The following VPS13B variants were observed in gnomAD, a reference collection of about 807,000 sequenced individuals.
The protein encoded by VPS13B is intermembrane lipid transfer protein VPS13B.
VPS13B carries 285 observed loss-of-function variants against 426.4 expected under a neutral mutation model. That is an observed-to-expected ratio of 0.67 (90% confidence interval 0.61 to 0.74). The LOEUF is 0.74. Among genes scored for constraint, VPS13B ranks in the 30% least tolerant of loss-of-function variants. The probability of loss-of-function intolerance (pLI) is 0.00; values close to 1 mark genes in which losing one functional copy is unlikely to be tolerated. For synonymous variants in VPS13B, 1,676 were observed against 1,676.4 expected (o/e 1.00, Z 0.01); for missense variants, 4,537 against 4,782.6 (o/e 0.95, Z 1.51).
chr8:99,284,940 C>T (rs1474689246), intron 19 of VPS13B, among the ~76,000 whole-genome samples: 1 of 152,146 alleles, frequency 6.6e-6, no homozygotes, highest in Non-Finnish European at 1.5e-5. Context: ...ATACTGTATC[C>T]TCAAGTACAT....
At chr8:99,314,823 A>G (rs1821221445) in intron 19 of VPS13B, among the ~76,000 whole-genome samples, 1 of 152,226 alleles carries the variant, frequency 6.6e-6, no homozygotes, top group South Asian at 2.1e-4. Context: ...ATATATGTTT[A>G]GAATTGTTAA....
chr8:99,279,702 A>G (rs1013208263), intron 19 of VPS13B, among the ~76,000 whole-genome samples: 2 of 152,138 alleles, frequency 1.3e-5, no homozygotes, highest in African/African-American at 2.4e-5. Context: ...AGTGTCTGCT[A>G]TTTAGGAATA....
intron 19 of VPS13B, among the ~76,000 whole-genome samples, chr8:99,290,778 G>A (rs993304158): frequency 1.3e-5 from 2 of 152,018 alleles, no homozygotes; most frequent in Middle Eastern, 3.4e-3. Context: ...CCTGGAATAA[G>A]TCATGTCTAA....
chr8:99,273,065 A>G (rs894190211), intron 17 of VPS13B, among the ~76,000 whole-genome samples: 24 of 152,162 alleles, frequency 1.6e-4, no homozygotes, highest in East Asian at 1.2e-3. Context: ...TCTGCTCCCA[A>G]GTATTTTGGA....
chr8:99,056,409 T>C (rs1347694835), intron 3 of VPS13B, among the ~76,000 whole-genome samples: 1 of 152,310 alleles, frequency 6.6e-6, no homozygotes, highest in South Asian at 2.1e-4. Context: ...GTTTGTTAGC[T>C]GTAGTAGTTT....
intron 35 of VPS13B, among the ~76,000 whole-genome samples, chr8:99,691,237 G>A (rs1357782138): frequency 6.7e-6 from 1 of 149,550 alleles, no homozygotes; most frequent in Non-Finnish European, 1.5e-5. Flanking sequence ...CTGCTCAGTA[G>A]TATGGGATAC....
At chr8:99,575,559 T>C (rs1321668797) in intron 31 of VPS13B, 99 bp from the exon 32 acceptor site, 4 of 1,441,734 alleles carry the variant, frequency 2.8e-6, no homozygotes, top group Non-Finnish European at 3.8e-6. Flanking sequence ...TAATGTAATT[T>C]TGCCATACAT....
At chr8:99,550,018 G>T (rs78606918) in intron 30 of VPS13B, among the ~76,000 whole-genome samples, 9,130 of 152,020 alleles carry the variant, frequency 0.06, 371 homozygotes, top group African/African-American at 0.11. Flanking sequence ...TTGTATAATT[G>T]CCTCTAAATC....
chr8:99,302,420 C>G (rs1820416318), intron 19 of VPS13B, among the ~76,000 whole-genome samples: 1 of 152,158 alleles, frequency 6.6e-6, no homozygotes, highest in Non-Finnish European at 1.5e-5. Context: ...GAACACTTAC[C>G]TTAGCCTATT....
intron 24 of VPS13B, among the ~76,000 whole-genome samples, chr8:99,478,714 G>A (rs2133549062): frequency 6.6e-6 from 1 of 151,618 alleles, no homozygotes; most frequent in East Asian, 2.0e-4. Flanking sequence ...CTCCCAAAGT[G>A]CTGGGATTAC....
At chr8:99,621,354 C>T (rs925325566) in intron 33 of VPS13B, among the ~76,000 whole-genome samples, 1 of 152,138 alleles carries the variant, frequency 6.6e-6, no homozygotes, top group African/African-American at 2.4e-5. Context: ...AGTAAATTGA[C>T]AATAGTTAGG....
chr8:99,655,462 G>C (rs1170325870), intron 34 of VPS13B, among the ~76,000 whole-genome samples: 4 of 152,138 alleles, frequency 2.6e-5, no homozygotes, highest in Non-Finnish European at 5.9e-5. Flanking sequence ...GTTGTGTTAA[G>C]TGCTCTCTTG....
chr8:99,868,345 G>A lies in VPS13B; in HGVS notation c.11272G>A (p.Ala3758Thr), dbSNP rs771440133. 1 of 1,614,128 alleles carries A rather than the reference G, an allele frequency of 6.2e-7. No individual in the cohort carries two copies. ...PMQNFQKTSE[A>T]QASAGHKAKG... ...GCAGAACTTCCAGAAAACATCTGAG[G>A]CACAGGCTTCAGCAGGACACAAGGC... Residue 3758 changes from alanine to threonine, a missense_variant, in exon 59 of 62, where the codon GCA becomes ACA. Around this residue, in one of 2 missense-constraint regions of VPS13B, gnomAD observed 4,311 missense variants for 4,474.3 expected, o/e 0.96. Coordinates refer to ENST00000357162, the MANE Select transcript of VPS13B (RefSeq NM_152564.5).
intron 19 of VPS13B, among the ~76,000 whole-genome samples, chr8:99,324,519 G>C (rs1400116331): frequency 6.6e-6 from 1 of 152,040 alleles, no homozygotes; most frequent in Admixed American, 6.6e-5. Context: ...TGGGGTTCTG[G>C]CTGCTTGCTT....
In VPS13B at chr8:99,792,322, A is replaced by T. The variant is rs1182258996; in HGVS notation, c.7941+7846A>T. On this transcript the variant is annotated intron_variant, in intron 43 of 61. Transcript: ENST00000357162. ...ATTTCCAGGGAAAGACAATTAATAGATGCTAATCCAAAGATGACCCAGATG... is the reference window on the plus strand; with the variant it reads ...ATTTCCAGGGAAAGACAATTAATAGTTGCTAATCCAAAGATGACCCAGATG... Among the ~76,000 whole-genome samples the T allele has an allele frequency of 2.0e-5, 3 of 152,220 alleles. No individual in the cohort carries two copies. In the South Asian group the frequency reaches 6.2e-4, roughly 32 times the overall value.
At chr8:99,468,352 C>T (rs1819221754) in intron 24 of VPS13B, among the ~76,000 whole-genome samples, 1 of 151,790 alleles carries the variant, frequency 6.6e-6, no homozygotes, top group Admixed American at 6.6e-5. Context: ...TGTGCAAACC[C>T]AGGTGATGTG....
intron 16 of VPS13B, among the ~76,000 whole-genome samples, chr8:99,179,699 C>T (rs190294509): frequency 2.0e-5 from 3 of 152,264 alleles, no homozygotes; most frequent in African/African-American, 7.2e-5. Context: ...CTTTCCCACT[C>T]GTTTTATTTT....
In VPS13B at chr8:99,699,931, T is replaced by A; in HGVS notation, c.6453T>A (p.Pro2151=). 6.2e-7 allele frequency: 1 copy of A among 1,613,652 alleles called. No homozygotes were observed. Residue 2151 remains proline (P), a splice_region_variant and synonymous_variant, in exon 36 of 62, where the codon CCT becomes CCA. Coordinates refer to ENST00000357162, the MANE Select transcript of VPS13B (RefSeq NM_152564.5). ...GTGTCAAGGCAACACAAAAAGTACC[T>A]GGTAAGTCACAGAAAAGGGGAGGGG... ...SLSVKATQKV[P]GIILGSSFLL...
intron 19 of VPS13B, among the ~76,000 whole-genome samples, chr8:99,360,646 G>A (rs1396497174): frequency 1.3e-5 from 2 of 152,016 alleles, no homozygotes; most frequent in East Asian, 1.9e-4. Flanking sequence ...TTTATGTAAC[G>A]TTGTTATTTT....
Sources: gnomAD v4.1 joint callset for allele counts (sites outside exome capture counted in the v4.1 genomes callset) on GRCh38, gnomAD v4.1.1 for gene constraint, gnomAD v4.1.1 regional missense constraint, MANE v1.5 for transcripts, NCBI Gene and HGNC (gene_info 2026-07-23, HGNC 2026-07-21) for gene names.